The following ZNRF3 variants were observed in gnomAD, a reference collection of about 807,000 sequenced individuals.
The protein encoded by ZNRF3 is E3 ubiquitin-protein ligase ZNRF3.
In ZNRF3, 23 loss-of-function variants were observed where a neutral mutation model predicts 72.5. The ratio of observed to expected loss-of-function variants is 0.32; its 90% CI spans 0.23 to 0.45. The LOEUF (loss-of-function observed/expected upper bound fraction) is 0.45. Among genes scored for constraint, ZNRF3 ranks in the 20% least tolerant of loss-of-function variants. The pLI is 1.00. For synonymous variants in ZNRF3, 610 were observed against 545.3 expected (o/e 1.12, Z -1.65); for missense variants, 1,169 against 1,272.1 (o/e 0.92, Z 1.23).
rs2036825936 is a variant in ZNRF3, at chr22:29,034,448, T to TA, written c.427-8046dup. Among the ~76,000 whole-genome samples, 3 of 152,196 alleles carry TA rather than the reference T, an allele frequency of 2.0e-5. No individual in the cohort carries two copies. In the South Asian group the frequency reaches 6.2e-4, roughly 32 times the overall value. On this transcript the variant is annotated intron_variant, in intron 2 of 8. Coordinates refer to ENST00000544604, the MANE Select transcript of ZNRF3 (RefSeq NM_001206998.2). ...GGATGATACTCCTCTCACCTTGACA[T>TA]ACCATGAGCCATGGAGCAGAGTCCT... is the stretch of plus-strand genomic sequence containing the variant.
chr22:28,994,818 A>T (rs2036020859), intron 2 of ZNRF3, among the ~76,000 whole-genome samples: 1 of 152,224 alleles, frequency 6.6e-6, no homozygotes, highest in African/African-American at 2.4e-5. Flanking sequence ...AGCAGTGGGT[A>T]TAAAAAAAAT....
At chr22:29,035,330 T>C (rs752894625) in intron 2 of ZNRF3, among the ~76,000 whole-genome samples, 7 of 152,104 alleles carry the variant, frequency 4.6e-5, no homozygotes, top group Non-Finnish European at 8.8e-5. Flanking sequence ...AGAATATGAG[T>C]ACAAGGATAT....
chr22:28,981,256 T>G (rs2035758445), intron 1 of ZNRF3, among the ~76,000 whole-genome samples: 1 of 152,164 alleles, frequency 6.6e-6, no homozygotes. Context: ...TTGGGAGAGT[T>G]TAGGAATTTC....
At chr22:29,001,679 G>T (rs924431650) in intron 2 of ZNRF3, among the ~76,000 whole-genome samples, 6 of 152,000 alleles carry the variant, frequency 3.9e-5, no homozygotes, top group African/African-American at 1.2e-4. Flanking sequence ...CGCCTTGTTG[G>T]CCAGGCTGGT....
intron 1 of ZNRF3, among the ~76,000 whole-genome samples, chr22:28,951,291 G>C (rs978531286): frequency 2.0e-5 from 3 of 152,104 alleles, no homozygotes; most frequent in Non-Finnish European, 4.4e-5. Context: ...ACCTTTTTTG[G>C]AGATTGAGTC....
chr22:28,895,885 TTACAGTATCTTA>T (rs1273545971), intron 1 of ZNRF3, among the ~76,000 whole-genome samples: 1 of 152,150 alleles, frequency 6.6e-6, no homozygotes, highest in Non-Finnish European at 1.5e-5. Context: ...GTACTTTCAC[TTACAGTATCTTA>T]GTTCATCCTC....
At chr22:29,015,768 A>G (rs943534834) in intron 2 of ZNRF3, among the ~76,000 whole-genome samples, 2 of 151,994 alleles carry the variant, frequency 1.3e-5, no homozygotes, top group Non-Finnish European at 2.9e-5. Context: ...CTGTAATCCC[A>G]GCAGTTTGGG....
intron 2 of ZNRF3, among the ~76,000 whole-genome samples, chr22:29,010,815 G>T (rs75709826): frequency 0.053 from 8,050 of 152,198 alleles, 428 homozygotes; most frequent in African/African-American, 0.14. Context: ...GATTACAGGT[G>T]TCCACCACCA....
intron 2 of ZNRF3, among the ~76,000 whole-genome samples, chr22:29,015,661 T>C (rs963475913): frequency 8.4e-6 from 1 of 119,422 alleles, no homozygotes; most frequent in African/African-American, 3.4e-5. Flanking sequence ...CAGAGTGAGA[T>C]TCTGTTTAAA....
At chr22:29,036,920 C>CA (rs1419149202) in intron 2 of ZNRF3, among the ~76,000 whole-genome samples, 2 of 152,032 alleles carry the variant, frequency 1.3e-5, no homozygotes, top group Non-Finnish European at 2.9e-5. Flanking sequence ...TCAGTAGAGG[C>CA]AAAAAATTCT....
At chr22:29,018,429 G>T (rs1159888967) in intron 2 of ZNRF3, 1 of 186,998 alleles carries the variant, frequency 5.3e-6, no homozygotes, top group Non-Finnish European at 1.1e-5. Context: ...TGGTGACTTT[G>T]ACTTTGATCA....
At chr22:29,006,649 T>A (rs2036255068) in intron 2 of ZNRF3, among the ~76,000 whole-genome samples, 1 of 152,230 alleles carries the variant, frequency 6.6e-6, no homozygotes, top group African/African-American at 2.4e-5. Flanking sequence ...CATGGCTTTC[T>A]GTGTAGTGAT....
At chr22:29,006,000 C>T (rs966457182) in intron 2 of ZNRF3, among the ~76,000 whole-genome samples, 2 of 151,430 alleles carry the variant, frequency 1.3e-5, no homozygotes, top group African/African-American at 2.4e-5. Context: ...CGCCATTGCA[C>T]TCCAGCCTGG....
At chr22:28,914,429 A>G (rs1193920216) in intron 1 of ZNRF3, among the ~76,000 whole-genome samples, 1 of 151,404 alleles carries the variant, frequency 6.6e-6, no homozygotes, top group African/African-American at 2.4e-5. Flanking sequence ...CTAAGAGGAA[A>G]CTGAGATGAG....
At chr22:29,034,745 A>C (rs2036833950) in intron 2 of ZNRF3, among the ~76,000 whole-genome samples, 1 of 152,174 alleles carries the variant, frequency 6.6e-6, no homozygotes, top group African/African-American at 2.4e-5. Flanking sequence ...CCTTGGAACT[A>C]AATGTACATG....
chr22:28,894,762 CAG>C (rs1166413682), intron 1 of ZNRF3, among the ~76,000 whole-genome samples: 1 of 152,146 alleles, frequency 6.6e-6, no homozygotes, highest in Non-Finnish European at 1.5e-5. Context: ...ACCAGACTCT[CAG>C]GGGTGCATTT....
At chr22:28,904,165 C>T (rs1023262539) in intron 1 of ZNRF3, among the ~76,000 whole-genome samples, 9 of 152,290 alleles carry the variant, frequency 5.9e-5, no homozygotes, top group African/African-American at 2.2e-4. Flanking sequence ...CCTCTTCACT[C>T]GGCCTCTGTC....
chr22:28,931,785 G>C (rs2034711967), intron 1 of ZNRF3, among the ~76,000 whole-genome samples: 1 of 152,208 alleles, frequency 6.6e-6, no homozygotes, highest in African/African-American at 2.4e-5. Flanking sequence ...CCAGATCCTA[G>C]CACATTGTCA....
intron 1 of ZNRF3, among the ~76,000 whole-genome samples, chr22:28,977,233 CT>C (rs1240594817): frequency 6.6e-6 from 1 of 152,212 alleles, no homozygotes; most frequent in East Asian, 1.9e-4. Context: ...AGCTGGAATT[CT>C]CTGTGAAACA....
Sources: gnomAD v4.1 joint callset for allele counts (sites outside exome capture counted in the v4.1 genomes callset) on GRCh38, gnomAD v4.1.1 for gene constraint, MANE v1.5 for transcripts, NCBI Gene and HGNC (gene_info 2026-07-23, HGNC 2026-07-21) for gene names.